The following PARVB variants were observed in gnomAD, a reference collection of about 807,000 sequenced individuals.
PARVB encodes beta-parvin.
Under a neutral mutation model 47.0 loss-of-function variants are expected in PARVB, and 46 were observed. That is an observed-to-expected ratio of 0.98 (90% CI 0.77 to 1.25). PARVB has a LOEUF of 1.25. Among genes scored for constraint, PARVB ranks in the 50% most tolerant of loss-of-function variants. PARVB has a pLI of 0.00. For synonymous variants in PARVB, 196 were observed against 196.3 expected, an observed-to-expected ratio of 1.00 and a Z score of 0.01; for missense variants, 473 against 471.6, an observed-to-expected ratio of 1.00 and a Z score of -0.03.
At chr22:44,038,528 C>A (rs1397666427) in intron 1 of PARVB, among the ~76,000 whole-genome samples, 1 of 152,196 alleles carries the variant, frequency 6.6e-6, no homozygotes, top group Non-Finnish European at 1.5e-5. Flanking sequence ...CACCTGTAAT[C>A]CCAGCACTTT....
intron 4 of PARVB, among the ~76,000 whole-genome samples, chr22:44,122,047 TG>T (rs1408395246): frequency 1.3e-5 from 2 of 152,274 alleles, no homozygotes; most frequent in Non-Finnish European, 2.9e-5. Context: ...TGAGTGGTCA[TG>T]TCATCCATTT....
chr22:44,157,735 C>T (rs762131900), intron 10 of PARVB, among the ~76,000 whole-genome samples: 1 of 151,900 alleles, frequency 6.6e-6, no homozygotes. Context: ...AAAAATTAGC[C>T]GGGCATGGTG....
chr22:44,090,123 C>T (rs1414834029), intron 1 of PARVB, among the ~76,000 whole-genome samples: 1 of 152,158 alleles, frequency 6.6e-6, no homozygotes, highest in Non-Finnish European at 1.5e-5. Context: ...TGAGGAAGTT[C>T]CTGTGAGGCC....
chr22:44,079,201 G>A (rs925570285), intron 1 of PARVB, among the ~76,000 whole-genome samples: 2 of 152,212 alleles, frequency 1.3e-5, no homozygotes, highest in Admixed American at 1.3e-4. Context: ...GGGTGTGCTT[G>A]GTCCAGGAGG....
Position 44,089,834 on chromosome 22 carries a change from T to C in PARVB, c.113-4094T>C, listed in dbSNP as rs1206107712. Among the ~76,000 whole-genome samples the C allele has an allele frequency of 6.6e-6, 1 of 152,210 alleles. No homozygotes were observed. Among genetic ancestry groups the C allele is most frequent in the African/African-American group, 2.4e-5 (1 of 41,468 alleles). On this transcript the variant is annotated intron_variant, in intron 1 of 12. Transcript: ENST00000338758. This position sits in a 1 kb window ranked among gnomAD's most constrained non-coding sequence, Gnocchi z 4.0. Reference sequence around the variant, plus strand: ...AGCTTTGGACATGCTGGCTGTGGTTTGTCTCCACTGCACTCTGCAAAGAGC... The same window carrying C: ...AGCTTTGGACATGCTGGCTGTGGTTCGTCTCCACTGCACTCTGCAAAGAGC...
chr22:44,053,704 TG>T (rs2051253848), intron 1 of PARVB, among the ~76,000 whole-genome samples: 1 of 152,218 alleles, frequency 6.6e-6, no homozygotes, highest in Admixed American at 6.5e-5. Flanking sequence ...CTCTGAACAG[TG>T]GCTGTAAGTC....
chr22:44,172,909 G>C lies in PARVB; in HGVS notation c.*4231G>C. 1 of 1,150,796 alleles carries C rather than the reference G, an allele frequency of 8.7e-7. No homozygotes were observed. Among genetic ancestry groups the C allele is most frequent in the South Asian group, 1.3e-5 (1 of 75,986 alleles). The allele number at this position is 1,150,796 out of a possible 1,614,324, so 71.3% of individuals were successfully genotyped here. A position where few individuals can be genotyped will look rare whatever the true frequency, so the allele number is the denominator to read the frequency against. On this transcript the variant is annotated 3_prime_UTR_variant, in exon 13 of 13. Transcript: ENST00000338758. ...ATGCCACGTGGCGTCACAGTATGCTGTTATTTATTCCAATAAAGACCTCGT... is the reference window on the plus strand; with the variant it reads ...ATGCCACGTGGCGTCACAGTATGCTCTTATTTATTCCAATAAAGACCTCGT...
chr22:44,022,903 T>C (rs2146873246), upstream of PARVB, among the ~76,000 whole-genome samples: 1 of 151,970 alleles, frequency 6.6e-6, no homozygotes, highest in Non-Finnish European at 1.5e-5. Context: ...TCCACCACCA[T>C]GCCCCGATAA....
intron 1 of PARVB, among the ~76,000 whole-genome samples, chr22:44,087,771 T>G (rs1242647998): frequency 1.3e-5 from 2 of 151,546 alleles, no homozygotes; most frequent in African/African-American, 4.8e-5. Flanking sequence ...GGCAGGCTTC[T>G]GATGACATGC....
chr22:44,119,209 A>T, intron 4 of PARVB, 69 bp downstream of exon 4: 1 of 1,055,906 alleles, frequency 9.5e-7, no homozygotes. Flanking sequence ...CTGGGCCAGG[A>T]TTCTCTGCAT....
At chr22:44,136,265 G>A (rs117315225) in intron 6 of PARVB, among the ~76,000 whole-genome samples, 195 bp from the exon 7 acceptor site, 6,104 of 152,138 alleles carry the variant, frequency 0.04, 157 homozygotes, top group Non-Finnish European at 0.056. Flanking sequence ...GGTTGTGGTC[G>A]CTGAAAGGCA....
At chr22:44,101,547 C>T (rs962867051) in intron 3 of PARVB, among the ~76,000 whole-genome samples, 1 of 152,036 alleles carries the variant, frequency 6.6e-6, no homozygotes, top group Non-Finnish European at 1.5e-5. Context: ...GTGAGGAGTT[C>T]GAGACCAGCC....
chr22:44,150,196 CAAAG>C (rs1054619994), intron 9 of PARVB: 3 of 137,250 alleles, frequency 2.2e-5, no homozygotes, highest in Admixed American at 7.3e-5. Flanking sequence ...CAAAACAAAA[CAAAG>C]AAATCATGTC....
chr22:44,079,252 GTGACTTGAATGACGTCCA>G (rs888038283), intron 1 of PARVB, among the ~76,000 whole-genome samples: 10 of 152,202 alleles, frequency 6.6e-5, no homozygotes, highest in African/African-American at 2.2e-4. Context: ...ACCGTTTTTA[GTGACTTGAATGACGTCCA>G]TGCAGAAGAG....
At chr22:44,063,935 C>T (rs966104565) in intron 1 of PARVB, among the ~76,000 whole-genome samples, 1 of 152,206 alleles carries the variant, frequency 6.6e-6, no homozygotes, top group Non-Finnish European at 1.5e-5. Context: ...TTCCCATTCT[C>T]GGGGCCAGGT....
At chr22:44,098,064 G>A (rs898389130) in intron 2 of PARVB, among the ~76,000 whole-genome samples, 2 of 152,184 alleles carry the variant, frequency 1.3e-5, no homozygotes, top group African/African-American at 2.4e-5. Context: ...GGGCGGGCCC[G>A]AATCTTGCTT....
chr22:44,069,011 A>G (rs1022435111), intron 1 of PARVB: 4 of 1,013,388 alleles, frequency 3.9e-6, no homozygotes, highest in Non-Finnish European at 5.9e-6. Flanking sequence ...ACCTTCCTCA[A>G]AGGCTCCCCA....
chr22:44,085,773 C>A (rs1246576809), intron 1 of PARVB, among the ~76,000 whole-genome samples: 2 of 152,212 alleles, frequency 1.3e-5, no homozygotes, highest in Non-Finnish European at 2.9e-5. Flanking sequence ...CTCCACGGTG[C>A]AAGGGCAGGG....
At chr22:44,143,401 C>T (rs1000941297) in intron 8 of PARVB, 1 of 152,338 alleles carries the variant, frequency 6.6e-6, no homozygotes, top group Non-Finnish European at 1.5e-5. Context: ...GCTCTGTGGG[C>T]TGGAGCTGAC....
Sources: allele counts gnomAD v4.1 joint callset (sites outside exome capture counted in the v4.1 genomes callset), GRCh38; gene constraint gnomAD v4.1.1; non-coding constraint Gnocchi (gnomAD v3.1); transcripts MANE v1.5; gene names NCBI Gene and HGNC (gene_info 2026-07-23, HGNC 2026-07-21).